The following PTH2R variants were observed in gnomAD, a reference collection of about 807,000 sequenced individuals.
The protein encoded by PTH2R is parathyroid hormone 2 receptor, also known as PTH2 receptor.
Under a neutral mutation model 60.3 loss-of-function variants are expected in PTH2R, and 59 were observed. That is an observed-to-expected ratio of 0.98 (90% CI 0.79 to 1.22). PTH2R has a LOEUF of 1.22. Among genes scored for constraint, PTH2R ranks in the 50% most tolerant of loss-of-function variants. The pLI is 0.00. For synonymous variants in PTH2R, 256 were observed against 243.8 expected (o/e 1.05, Z -0.47); for missense variants, 749 against 682.6 (o/e 1.10, Z -1.08).
rs1703472346 is a variant in PTH2R, at chr2:208,493,935, T to C, written c.*276T>C. 1 of 282,668 alleles carries C rather than the reference T, an allele frequency of 3.5e-6. No homozygotes were observed. Among genetic ancestry groups the C allele is most frequent in the African/African-American group, 2.2e-5 (1 of 46,006 alleles). 17.5% of individuals were successfully genotyped at this position (282,668 alleles called of 1,614,324 possible). On this transcript the variant is annotated 3_prime_UTR_variant, in exon 13 of 13. Coordinates refer to ENST00000272847, the MANE Select transcript of PTH2R (RefSeq NM_005048.4). ...GTGATTGTTCATTTTTTTCTGCTAC[T>C]TTTGGGTAGAAAAAAGATTCAATTG...
At chr2:208,396,875 T>C (rs1481304393) in intron 1 of PTH2R, among the ~76,000 whole-genome samples, 1 of 152,184 alleles carries the variant, frequency 6.6e-6, no homozygotes. Context: ...ATTGCGGCAC[T>C]ATTCACAACA....
At chr2:208,424,154 G>T (rs2105849970) in intron 1 of PTH2R, among the ~76,000 whole-genome samples, 1 of 152,312 alleles carries the variant, frequency 6.6e-6, no homozygotes, top group South Asian at 2.1e-4. Flanking sequence ...ACTGTCAGGA[G>T]GGGTGGAAGT....
intron 1 of PTH2R, among the ~76,000 whole-genome samples, chr2:208,410,657 T>C (rs1184300204): frequency 6.6e-6 from 1 of 152,172 alleles, no homozygotes; most frequent in Non-Finnish European, 1.5e-5. Flanking sequence ...CAGGATAACA[T>C]GTGACAGAAA....
rs1559219360 is a variant in PTH2R, at chr2:208,436,285, GT to G, written c.179-1251del. On this transcript the variant is annotated intron_variant, in intron 2 of 12. Transcript: ENST00000272847. ...ACATTTGAGTGAAAATATGAAGGAGGTAAGGGAATAAGTCTGTCTGAGTGAG... is the reference window on the plus strand; with the variant it reads ...ACATTTGAGTGAAAATATGAAGGAGGAAGGGAATAAGTCTGTCTGAGTGAG... Among the ~76,000 whole-genome samples the G allele has an allele frequency of 3.0e-5, 3 of 101,156 alleles. No individual in the cohort carries two copies. The East Asian group carries it at 2.6e-3, about 88-fold the overall frequency. 66.4% of individuals were successfully genotyped at this position (101,156 alleles called of 152,430 possible).
At chr2:208,467,351 T>C (rs1702776663) in intron 9 of PTH2R, among the ~76,000 whole-genome samples, 1 of 152,172 alleles carries the variant, frequency 6.6e-6, no homozygotes, top group African/African-American at 2.4e-5. Context: ...CTAAAAATCT[T>C]CTCCACAAAG....
rs1320495584 is a variant in PTH2R at position 208,443,508 on chromosome 2, G to A, written c.670G>A (p.Glu224Lys). The change falls in exon 6 of 13, where the codon GAG (glutamate) becomes AAG (lysine). Residue 224 changes from glutamate (E) to lysine (K), a missense_variant. Physicochemically the swap from Glu to Lys is moderately conservative, Grantham distance 56 (BLOSUM62 1). Coordinates refer to ENST00000272847, the MANE Select transcript of PTH2R (RefSeq NM_005048.4). ...GCAGGATGACCCACAAAATTCCATTGAGGCAACTTCTGTGGACAAATCACA... is the reference window on the plus strand; with the variant it reads ...GCAGGATGACCCACAAAATTCCATTAAGGCAACTTCTGTGGACAAATCACA... ...IMQDDPQNSI[E>K]ATSVDKSQYI... 1 of 1,610,892 alleles carries A rather than the reference G, an allele frequency of 6.2e-7. No individual in the cohort carries two copies. Among genetic ancestry groups the A allele is most frequent in the Non-Finnish European group, 8.5e-7 (1 of 1,178,956 alleles).
intron 1 of PTH2R, among the ~76,000 whole-genome samples, chr2:208,389,227 TACACACACACACACAC>T (rs71041306): frequency 8.4e-5 from 12 of 142,644 alleles, no homozygotes; most frequent in African/African-American, 1.8e-4. Context: ...AGGAAATGCA[TACACACACACACACAC>T]ACACACACAC....
chr2:208,486,380 C>G (rs1404046652), intron 10 of PTH2R, among the ~76,000 whole-genome samples: 1 of 152,128 alleles, frequency 6.6e-6, no homozygotes, highest in Non-Finnish European at 1.5e-5. Context: ...TTTTGGTTGC[C>G]TAAAGCAAAT....
At chr2:208,405,759 T>G (rs752568703), upstream of PTH2R, among the ~76,000 whole-genome samples, 1 of 152,190 alleles carries the variant, frequency 6.6e-6, no homozygotes, top group Non-Finnish European at 1.5e-5. Context: ...TGATGGCTTA[T>G]TAGGCATGGA....
chr2:208,411,219 T>C (rs1701533615), intron 1 of PTH2R, among the ~76,000 whole-genome samples: 1 of 152,164 alleles, frequency 6.6e-6, no homozygotes, highest in Non-Finnish European at 1.5e-5. Flanking sequence ...TCCTAGAATA[T>C]AGGCAGCTTC....
At chr2:208,433,234 T>C (rs1254529255) in intron 2 of PTH2R, among the ~76,000 whole-genome samples, 1 of 152,168 alleles carries the variant, frequency 6.6e-6, no homozygotes, top group African/African-American at 2.4e-5. Context: ...GAAAAAACAC[T>C]TCCTTCGAGA....
intron 1 of PTH2R, among the ~76,000 whole-genome samples, chr2:208,409,763 C>T (rs930690646): frequency 6.6e-6 from 1 of 152,152 alleles, no homozygotes; most frequent in African/African-American, 2.4e-5. Flanking sequence ...CCCGTGCATT[C>T]ATACATCATT....
At chr2:208,477,256 T>C (rs1238143826) in intron 9 of PTH2R, among the ~76,000 whole-genome samples, 1 of 152,056 alleles carries the variant, frequency 6.6e-6, no homozygotes, top group East Asian at 1.9e-4. Context: ...ACATGAAAAA[T>C]GCTTCTGAGA....
At position 208,493,649 on chromosome 2, in the gene PTH2R, A is replaced by C. The variant is rs758013901; in HGVS notation, c.1643A>C (p.Asp548Ala). 6.4e-7 allele frequency: 1 copy of C among 1,550,838 alleles called. No homozygotes were observed. The highest frequency in any genetic ancestry group is 2.3e-5 in the East Asian group (1 of 44,090). ...GAAGGATGCCAAGGAGAAACTGAGG[A>C]TGTTCTCTGAATGGACATTTGTGGC... ...DTEGCQGETE[D>A]VL Residue 548 changes from aspartate (D) to alanine (A), a missense_variant, in exon 13 of 13, where the codon GAT becomes GCT. Asp to Ala is a moderately radical substitution (Grantham distance 126). Transcript: ENST00000272847.
chr2:208,371,137 T>C (rs1299863019), intron 1 of PTH2R, among the ~76,000 whole-genome samples: 2 of 152,062 alleles, frequency 1.3e-5, no homozygotes, highest in Non-Finnish European at 2.9e-5. Flanking sequence ...CACCTCCAAC[T>C]TGGGGATTGT....
At chr2:208,439,996 A>G (rs1702150678) in intron 4 of PTH2R, among the ~76,000 whole-genome samples, 8 of 152,236 alleles carry the variant, frequency 5.3e-5, no homozygotes, top group Admixed American at 5.2e-4. Context: ...AATAAGCGCA[A>G]ATATATGCAT....
chr2:208,383,552 A>G (rs1672869423), intron 1 of PTH2R, among the ~76,000 whole-genome samples: 2 of 152,252 alleles, frequency 1.3e-5, no homozygotes, highest in Non-Finnish European at 2.9e-5. Context: ...CAACTCCAAC[A>G]GTTCTCCAAA....
chr2:208,471,834 G>A (rs909758058), intron 9 of PTH2R, among the ~76,000 whole-genome samples: 3 of 152,240 alleles, frequency 2.0e-5, no homozygotes, highest in Non-Finnish European at 2.9e-5. Context: ...GCCAGCTTGT[G>A]AAAGAAGCAG....
At chr2:208,482,039 A>C (rs1703164410) in intron 10 of PTH2R, among the ~76,000 whole-genome samples, 1 of 152,222 alleles carries the variant, frequency 6.6e-6, no homozygotes, top group African/African-American at 2.4e-5. Flanking sequence ...ACATCTAGTA[A>C]TCAGGTAGAT....
Sources: allele counts gnomAD v4.1 joint callset (sites outside exome capture counted in the v4.1 genomes callset), GRCh38; gene constraint gnomAD v4.1.1; transcripts MANE v1.5; gene names NCBI Gene and HGNC (gene_info 2026-07-23, HGNC 2026-07-21).